The following SHISA6 variants were observed in gnomAD, a reference collection of about 807,000 sequenced individuals.
SHISA6 encodes shisa family member 6.
A neutral mutation model predicts 47.9 loss-of-function variants in SHISA6; 22 were observed. The ratio of observed to expected loss-of-function variants is 0.46; its 90% CI spans 0.33 to 0.66. SHISA6 has a LOEUF of 0.66. Ranked by LOEUF, SHISA6 falls within the 30% of genes least tolerant of loss-of-function variation. The pLI is 0.02. For missense variants in SHISA6, 680 were observed against 764.6 expected (o/e 0.89, Z 1.30); for synonymous variants, 388 against 337.8 (o/e 1.15, Z -1.63).
At chr17:11,432,338 G>A (rs1017843506) in intron 3 of SHISA6, among the ~76,000 whole-genome samples, 35 of 152,162 alleles carry the variant, frequency 2.3e-4, no homozygotes, top group African/African-American at 8.0e-4. Flanking sequence ...CAGTCAAAAC[G>A]CTCAATTATC....
At chr17:11,389,558 A>G (rs1189645009) in intron 3 of SHISA6, among the ~76,000 whole-genome samples, 2 of 152,112 alleles carry the variant, frequency 1.3e-5, no homozygotes, top group Admixed American at 1.3e-4. Flanking sequence ...GTCTGTTATA[A>G]CCCTAATCTT....
chr17:11,365,887 G>A (rs1912433585), intron 2 of SHISA6, among the ~76,000 whole-genome samples: 1 of 152,200 alleles, frequency 6.6e-6, no homozygotes, highest in Non-Finnish European at 1.5e-5. Context: ...TGGGTGATTA[G>A]AGAAAGTCTC....
At chr17:11,395,336 T>C (rs1427988902) in intron 3 of SHISA6, among the ~76,000 whole-genome samples, 1 of 152,070 alleles carries the variant, frequency 6.6e-6, no homozygotes, top group African/African-American at 2.4e-5. Context: ...TTGCTGTCTG[T>C]AAATGAGGTT....
At chr17:11,540,054 C>G (rs1030128670) in intron 3 of SHISA6, among the ~76,000 whole-genome samples, 1 of 152,326 alleles carries the variant, frequency 6.6e-6, no homozygotes, top group South Asian at 2.1e-4. Context: ...CTCCCTTCCA[C>G]ATCAACACAT....
intron 3 of SHISA6, among the ~76,000 whole-genome samples, chr17:11,531,258 T>A (rs1242548729): frequency 8.0e-6 from 1 of 125,358 alleles, no homozygotes; most frequent in African/African-American, 3.1e-5. Flanking sequence ...TGTGTGTGTG[T>A]GTGTGTGTAA....
At chr17:11,242,206 A>C (rs1907395552) in intron 1 of SHISA6, 146 bp downstream of exon 1, 2 of 1,144,130 alleles carry the variant, frequency 1.7e-6, no homozygotes, top group African/African-American at 3.1e-5. Context: ...CATGCAATAA[A>C]TCAGGGTCTT....
At chr17:11,355,711 A>G (rs900402943) in intron 2 of SHISA6, among the ~76,000 whole-genome samples, 8 of 152,228 alleles carry the variant, frequency 5.3e-5, no homozygotes, top group African/African-American at 1.9e-4. Context: ...AACTGGCTGG[A>G]AAGGGAACGG....
chr17:11,378,068 A>C (rs1912870940), intron 2 of SHISA6, among the ~76,000 whole-genome samples: 2 of 152,170 alleles, frequency 1.3e-5, no homozygotes, highest in African/African-American at 4.8e-5. Flanking sequence ...CCCAACTCTG[A>C]TTCCAGCACG....
chr17:11,328,955 G>A (rs1324405993), intron 2 of SHISA6, among the ~76,000 whole-genome samples: 1 of 152,204 alleles, frequency 6.6e-6, no homozygotes, highest in Non-Finnish European at 1.5e-5. Flanking sequence ...GCTTGAATGT[G>A]CTTCTGCTGC....
chr17:11,537,792 G>T (rs746475625), intron 3 of SHISA6, among the ~76,000 whole-genome samples: 1 of 152,110 alleles, frequency 6.6e-6, no homozygotes, highest in South Asian at 2.1e-4. Context: ...ATTGTGCTAC[G>T]GTAAACACAA....
At chr17:11,518,995 C>T (rs1461154575) in intron 3 of SHISA6, among the ~76,000 whole-genome samples, 5 of 152,196 alleles carry the variant, frequency 3.3e-5, no homozygotes, top group Non-Finnish European at 7.3e-5. Flanking sequence ...GCCATAGCCT[C>T]TCCCTTCTCC....
intron 3 of SHISA6, among the ~76,000 whole-genome samples, chr17:11,459,218 C>CA (rs200165239): frequency 0.065 from 5,891 of 90,492 alleles, 205 homozygotes; most frequent in African/African-American, 0.093. Flanking sequence ...GACTCCATCT[C>CA]AAAAAAAAAA....
chr17:11,253,752 G>T (rs546133046), intron 1 of SHISA6, among the ~76,000 whole-genome samples: 1 of 152,046 alleles, frequency 6.6e-6, no homozygotes, highest in East Asian at 1.9e-4. Flanking sequence ...CTATTTCCTT[G>T]AGTTTTTAGA....
chr17:11,532,690 C>T (rs1048924444), intron 3 of SHISA6, among the ~76,000 whole-genome samples: 24 of 149,992 alleles, frequency 1.6e-4, no homozygotes, highest in African/African-American at 5.6e-4. Context: ...CAGTCTAAGG[C>T]CCAAGCCTCC....
chr17:11,269,772 T>G (rs12603687), intron 2 of SHISA6, among the ~76,000 whole-genome samples: 11,512 of 152,116 alleles, frequency 0.076, 474 homozygotes, highest in East Asian at 0.17. Context: ...GCCAGAATTA[T>G]GCTTGGCCTG....
At chr17:11,377,845 C>T (rs531385002) in intron 2 of SHISA6, among the ~76,000 whole-genome samples, 1 of 152,300 alleles carries the variant, frequency 6.6e-6, no homozygotes, top group Non-Finnish European at 1.5e-5. Flanking sequence ...CCGGACCCCA[C>T]TCAATTGAAT....
intron 2 of SHISA6, among the ~76,000 whole-genome samples, chr17:11,326,113 T>C (rs1910879144): frequency 6.6e-6 from 1 of 151,890 alleles, no homozygotes. Flanking sequence ...CTACTAAAAA[T>C]ACAAAAAATT....
intron 3 of SHISA6, among the ~76,000 whole-genome samples, chr17:11,430,311 G>A (rs1914718853): frequency 1.3e-5 from 2 of 152,162 alleles, no homozygotes; most frequent in Non-Finnish European, 2.9e-5. Flanking sequence ...TGGCCCATGT[G>A]TTGTGAGTAG....
At chr17:11,287,691 A>AAGGAAG (rs1567561420) in intron 2 of SHISA6, among the ~76,000 whole-genome samples, 2 of 2,536 alleles carry the variant, frequency 7.9e-4, no homozygotes, top group South Asian at 0.1. Flanking sequence ...AGAGAGAGAG[A>AAGGAAG]GAAAGGGGAA....
Sources: allele counts gnomAD v4.1 joint callset (sites outside exome capture counted in the v4.1 genomes callset), GRCh38; gene constraint gnomAD v4.1.1; transcripts MANE v1.5; gene names NCBI Gene and HGNC (gene_info 2026-07-23, HGNC 2026-07-21).